The following PMFBP1 variants were observed in gnomAD, a reference collection of about 807,000 sequenced individuals.
The protein encoded by PMFBP1 is polyamine-modulated factor 1-binding protein 1.
In PMFBP1, 131 loss-of-function variants were observed where a neutral mutation model predicts 137.8. The observed-to-expected ratio is 0.95, with a 90% CI of 0.82 to 1.10. The LOEUF (loss-of-function observed/expected upper bound fraction) is 1.10. Ranked by LOEUF, PMFBP1 falls within the 50% of genes least tolerant of loss-of-function variation. PMFBP1 has a pLI of 0.00. For synonymous variants in PMFBP1, 490 were observed against 450.4 expected (o/e 1.09, Z -1.11); for missense variants, 1,199 against 1,175.4 (o/e 1.02, Z -0.29).
In PMFBP1 at chr16:72,128,669, G is replaced by T. The variant is rs975548172; in HGVS notation, c.2076C>A (p.Asp692Glu). 6.2e-7 allele frequency: 1 copy of T among 1,614,010 alleles called. No individual in the cohort carries two copies. The highest frequency in any genetic ancestry group is 1.7e-5 in the Admixed American group (1 of 59,998). The stretch of plus-strand genomic sequence containing the variant: ...CCTGTCTACTCACCTCTTTATTCAA[G>T]TCTTGGATGACTTGCTGGCTGGTGT... ...KYNTSQQVIQ[D>E]LNKEIALQKE... The change falls in exon 14 of 21, where the codon GAC (aspartate) becomes GAA (glutamate). Residue 692 changes from aspartate to glutamate, a missense_variant. By Grantham distance (45) the Asp-to-Glu change is conservative (BLOSUM62 2). Coordinates refer to ENST00000237353, the MANE Select transcript of PMFBP1 (RefSeq NM_031293.3).
the PMFBP1 span, among the ~76,000 whole-genome samples, chr16:72,249,391 G>A: frequency 1.3e-5 from 2 of 151,386 alleles, no homozygotes; most frequent in Non-Finnish European, 2.9e-5. Flanking sequence ...AGTATTGTAT[G>A]TGTGAATGTG....
At chr16:72,216,340 C>T in the PMFBP1 span, among the ~76,000 whole-genome samples, 1 of 152,132 alleles carries the variant, frequency 6.6e-6, no homozygotes, top group African/African-American at 2.4e-5. Context: ...TTAGCCTATC[C>T]TATTTGATTA....
At chr16:72,125,185 G>T in intron 16 of PMFBP1, 53 bp downstream of exon 16, 2 of 1,573,884 alleles carry the variant, frequency 1.3e-6, no homozygotes, top group South Asian at 2.4e-5. Context: ...TGCAAGAGGT[G>T]ACCTTGTGGA....
At chr16:72,206,803 T>C in the PMFBP1 span, among the ~76,000 whole-genome samples, 1 of 152,208 alleles carries the variant, frequency 6.6e-6, no homozygotes. Context: ...TAGGAAATGC[T>C]TACCTCCCTA....
chr16:72,236,725 C>G, the PMFBP1 span, among the ~76,000 whole-genome samples: 1 of 152,198 alleles, frequency 6.6e-6, no homozygotes, highest in Non-Finnish European at 1.5e-5. Context: ...GCAAGTTGTA[C>G]ACCTCACTTA....
intron 5 of PMFBP1, among the ~76,000 whole-genome samples, chr16:72,141,124 A>G (rs1372808538): frequency 2.0e-5 from 3 of 151,838 alleles, no homozygotes; most frequent in Admixed American, 6.6e-5. Context: ...TTTAGTAGAG[A>G]CAGGGTTTCG....
intron 3 of PMFBP1, among the ~76,000 whole-genome samples, chr16:72,158,805 G>T (rs2043019702): frequency 6.6e-6 from 1 of 152,092 alleles, no homozygotes; most frequent in Non-Finnish European, 1.5e-5. Flanking sequence ...ACCAGCCTGG[G>T]CAAGATAGCG....
the PMFBP1 span, among the ~76,000 whole-genome samples, chr16:72,213,480 G>A: frequency 2.0e-5 from 3 of 152,172 alleles, no homozygotes; most frequent in South Asian, 2.1e-4. Context: ...AAGAAACCAA[G>A]GGAGGGCCTA....
chr16:72,155,123 C>A (rs971044038), intron 3 of PMFBP1, among the ~76,000 whole-genome samples: 5 of 152,114 alleles, frequency 3.3e-5, no homozygotes, highest in Admixed American at 6.5e-5. Flanking sequence ...TTCATTCATT[C>A]ATTCATTCAC....
At chr16:72,201,006 C>T in the PMFBP1 span, among the ~76,000 whole-genome samples, 1 of 152,210 alleles carries the variant, frequency 6.6e-6, no homozygotes, top group Admixed American at 6.5e-5. Context: ...GCCTGGACAA[C>T]TGTCCACTTA....
At chr16:72,200,361 C>T in the PMFBP1 span, among the ~76,000 whole-genome samples, 2 of 152,248 alleles carry the variant, frequency 1.3e-5, no homozygotes, top group Admixed American at 6.5e-5. Context: ...AGCAGAATTT[C>T]CACACTTACT....
At chr16:72,241,414 A>G in the PMFBP1 span, among the ~76,000 whole-genome samples, 1 of 152,218 alleles carries the variant, frequency 6.6e-6, no homozygotes, top group Non-Finnish European at 1.5e-5. Context: ...CAGCTACCCT[A>G]CTATTTAATA....
intron 9 of PMFBP1, among the ~76,000 whole-genome samples, chr16:72,134,553 C>G (rs2042596519): frequency 6.6e-6 from 1 of 152,176 alleles, no homozygotes; most frequent in African/African-American, 2.4e-5. Context: ...TGGCTTCCAT[C>G]TCTTAGAAAA....
intron 2 of PMFBP1, among the ~76,000 whole-genome samples, chr16:72,169,363 A>G (rs1052230512): frequency 1.3e-5 from 2 of 152,200 alleles, no homozygotes; most frequent in African/African-American, 2.4e-5. Flanking sequence ...GTAATTTTAA[A>G]CACTATTATT....
At chr16:72,238,554 C>A in the PMFBP1 span, among the ~76,000 whole-genome samples, 1 of 152,066 alleles carries the variant, frequency 6.6e-6, no homozygotes, top group African/African-American at 2.4e-5. Flanking sequence ...TGTCAGTAAT[C>A]AATTGCTCAC....
chr16:72,171,630 C>T (rs1396350260), intron 1 of PMFBP1: 1 of 169,002 alleles, frequency 5.9e-6, no homozygotes, highest in Non-Finnish European at 1.3e-5. Flanking sequence ...ACATGATGTG[C>T]ATGACCTAAC....
At chr16:72,185,799 T>G in the PMFBP1 span, among the ~76,000 whole-genome samples, 1 of 152,186 alleles carries the variant, frequency 6.6e-6, no homozygotes, top group Admixed American at 6.5e-5. Flanking sequence ...TAATTTGCAG[T>G]AAGAGATCAC....
At chr16:72,139,150 T>G (rs747965925) in intron 7 of PMFBP1, 139 bp downstream of exon 7, 15 of 655,438 alleles carry the variant, frequency 2.3e-5, no homozygotes, top group Non-Finnish European at 3.6e-5. Flanking sequence ...AGTATCCTTG[T>G]GGCAGGGCCA....
chr16:72,179,509 G>A (rs2043269445), upstream of PMFBP1, among the ~76,000 whole-genome samples: 2 of 152,136 alleles, frequency 1.3e-5, no homozygotes, highest in African/African-American at 4.8e-5. Context: ...GAGGGATGAG[G>A]ATGAGGGGCA....
Sources: gnomAD v4.1 joint callset for allele counts (sites outside exome capture counted in the v4.1 genomes callset) on GRCh38, gnomAD v4.1.1 for gene constraint, MANE v1.5 for transcripts, NCBI Gene and HGNC (gene_info 2026-07-23, HGNC 2026-07-21) for gene names.